The following ZFYVE1 variants were observed in gnomAD, a reference collection of about 807,000 sequenced individuals.
The protein encoded by ZFYVE1 is zinc finger FYVE domain-containing protein 1.
In ZFYVE1, 30 loss-of-function variants were observed where a neutral mutation model predicts 74.4. The ratio of observed to expected loss-of-function variants is 0.40; its 90% CI spans 0.30 to 0.55. ZFYVE1 has a LOEUF of 0.55. ZFYVE1 is among the 20% of genes least tolerant of loss of function. The pLI, the probability that ZFYVE1 is intolerant of heterozygous loss-of-function variation, is 0.42. For missense variants in ZFYVE1, 703 were observed against 1,011.6 expected (o/e 0.69, Z 4.14); for synonymous variants, 335 against 385.1 (o/e 0.87, Z 1.52).
At chr14:72,980,774 T>C (rs1038232190) in intron 5 of ZFYVE1, among the ~76,000 whole-genome samples, 2 of 152,072 alleles carry the variant, frequency 1.3e-5, no homozygotes, top group Non-Finnish European at 2.9e-5. Flanking sequence ...TTCACCATAG[T>C]CTCGATCTGC....
chr14:72,982,156 C>T (rs1290441177), intron 4 of ZFYVE1, among the ~76,000 whole-genome samples: 2 of 152,200 alleles, frequency 1.3e-5, no homozygotes, highest in East Asian at 3.8e-4. Context: ...AAACACCTCA[C>T]ACCACTCAGT....
chr14:72,996,137 G>T (rs1347075532), intron 3 of ZFYVE1, among the ~76,000 whole-genome samples: 1 of 152,042 alleles, frequency 6.6e-6, no homozygotes, highest in East Asian at 1.9e-4. Context: ...GCATTCAGTG[G>T]GCAGGGGGAG....
rs775708441 is a variant in ZFYVE1 at position 72,978,170 on chromosome 14, G to C, written c.1484C>G (p.Pro495Arg). The C allele has an allele frequency of 5.0e-6, 8 of 1,614,162 alleles. No individual in the cohort carries two copies. Among genetic ancestry groups the C allele is most frequent in the Non-Finnish European group, 6.8e-6 (8 of 1,180,020 alleles). The change falls in exon 7 of 12, where the codon CCC becomes CGC. Residue 495 changes from proline (P) to arginine (R), a missense_variant. Pro to Arg is a moderately radical substitution (Grantham distance 103). Coordinates refer to ENST00000556143, the MANE Select transcript of ZFYVE1 (RefSeq NM_021260.4). ...GGCATATTTTGCGAGACCCATCCAG[G>C]GGGAGTCAGTGGAAGCAGATGTTTT... ...VPKTSASTDSPWMGLAKYAWS... is the reference protein window; with the variant it reads ...VPKTSASTDSRWMGLAKYAWS...
chr14:72,977,718 A>G (rs980669645), intron 8 of ZFYVE1, among the ~76,000 whole-genome samples: 1 of 152,214 alleles, frequency 6.6e-6, no homozygotes, highest in Non-Finnish European at 1.5e-5. Context: ...TATTTCATTT[A>G]AAGTTGTACT....
At chr14:72,973,383 G>T (rs550633811) in intron 11 of ZFYVE1, among the ~76,000 whole-genome samples, 2 of 152,196 alleles carry the variant, frequency 1.3e-5, no homozygotes, top group South Asian at 4.1e-4. Context: ...TAGCTGCTTG[G>T]GAGGCTGAGG....
intron 2 of ZFYVE1, among the ~76,000 whole-genome samples, chr14:73,020,644 G>A (rs975771525): frequency 9.9e-5 from 15 of 152,158 alleles, no homozygotes; most frequent in African/African-American, 3.4e-4. Flanking sequence ...GAGCCATCGC[G>A]CCCGGTCGCA....
At chr14:72,971,655 A>T (rs1893038164) in intron 11 of ZFYVE1, among the ~76,000 whole-genome samples, 1 of 151,972 alleles carries the variant, frequency 6.6e-6, no homozygotes. Flanking sequence ...CTCTTTTGTG[A>T]CAGGGTCTCA....
At chr14:73,018,652 T>C (rs1354505012) in intron 2 of ZFYVE1, among the ~76,000 whole-genome samples, 1 of 151,608 alleles carries the variant, frequency 6.6e-6, no homozygotes, top group African/African-American at 2.4e-5. Context: ...ACACAGAAAG[T>C]GCCTGGCACG....
At chr14:73,012,325 C>T (rs1027176758) in intron 2 of ZFYVE1, among the ~76,000 whole-genome samples, 9 of 151,922 alleles carry the variant, frequency 5.9e-5, no homozygotes, top group African/African-American at 2.2e-4. Context: ...AATGGGGATG[C>T]AAAAAGAACC....
intron 2 of ZFYVE1, among the ~76,000 whole-genome samples, chr14:73,006,076 C>T (rs947054287): frequency 6.6e-6 from 1 of 152,036 alleles, no homozygotes; most frequent in Non-Finnish European, 1.5e-5. Context: ...CCCGCCACCA[C>T]GCCCGGAGAA....
rs750456642 is a variant in ZFYVE1, at chr14:72,998,186, G to C, written c.613C>G (p.Arg205Gly). The change falls in exon 3 of 12, where the codon CGT becomes GGT. Residue 205 changes from arginine (R) to glycine (G), a missense_variant. Physicochemically the swap from Arg to Gly is moderately radical, Grantham distance 125. Around this residue, in one of 2 missense-constraint regions of ZFYVE1, gnomAD observed 492 missense variants for 790.0 expected, o/e 0.62. Coordinates refer to ENST00000556143, the MANE Select transcript of ZFYVE1 (RefSeq NM_021260.4). ...GTCGGGGAGGTTTTAAAGACTTCAC[G>C]ACCATAAAAGAAAGTGTGGTTGAGA... ...HTLNHTFFYG[R>G]EVFKTSPTQE... is the part of the protein sequence containing the mutation. The C allele has an allele frequency of 1.2e-6, 2 of 1,613,836 alleles. No homozygotes were observed. Among genetic ancestry groups the C allele is most frequent in the African/African-American group, 2.7e-5 (2 of 74,864 alleles).
intron 2 of ZFYVE1, among the ~76,000 whole-genome samples, chr14:73,004,482 T>C (rs1893936985): frequency 1.3e-5 from 2 of 151,752 alleles, no homozygotes; most frequent in Admixed American, 1.3e-4. Flanking sequence ...ATATAACTCA[T>C]ATGGGATGGA....
At chr14:72,973,119 T>C (rs1253867639) in intron 11 of ZFYVE1, among the ~76,000 whole-genome samples, 2 of 152,198 alleles carry the variant, frequency 1.3e-5, no homozygotes, top group African/African-American at 4.8e-5. Context: ...CCCTTGAATC[T>C]AGACAAACCT....
chr14:73,023,898 A>G, intron 2 of ZFYVE1, 128 bp downstream of exon 2: 1 of 1,327,990 alleles, frequency 7.5e-7, no homozygotes, highest in Non-Finnish European at 1.0e-6. Flanking sequence ...ATGCAACTAA[A>G]GCCTCCAGAG....
At chr14:73,006,383 T>C (rs1442714772) in intron 2 of ZFYVE1, among the ~76,000 whole-genome samples, 1 of 151,904 alleles carries the variant, frequency 6.6e-6, no homozygotes, top group East Asian at 2.0e-4. Flanking sequence ...GAGACCAGCC[T>C]GGCCAACGTG....
chr14:73,003,275 C>G (rs906352571), intron 2 of ZFYVE1, among the ~76,000 whole-genome samples: 1 of 152,038 alleles, frequency 6.6e-6, no homozygotes, highest in Non-Finnish European at 1.5e-5. Flanking sequence ...CCAGGCTGGT[C>G]TCAAACTCCT....
chr14:73,008,157 T>C (rs1894018648), intron 2 of ZFYVE1, among the ~76,000 whole-genome samples: 1 of 152,024 alleles, frequency 6.6e-6, no homozygotes, highest in South Asian at 2.1e-4. Flanking sequence ...AAGTGTTTCT[T>C]TTTTTATTTT....
intron 4 of ZFYVE1, among the ~76,000 whole-genome samples, chr14:72,990,810 C>T (rs1434254036): frequency 1.4e-5 from 2 of 146,554 alleles, no homozygotes; most frequent in Non-Finnish European, 3.0e-5. Context: ...AAGTGATTCT[C>T]CTGCCTCAGC....
At position 72,993,344 on chromosome 14, in the gene ZFYVE1, C is replaced by T. The variant is rs1039332101; in HGVS notation, c.1002G>A (p.Glu334=). Residue 334 remains glutamate (E), a synonymous_variant, in exon 4 of 12, where the codon GAG becomes GAA. Coordinates refer to ENST00000556143, the MANE Select transcript of ZFYVE1 (RefSeq NM_021260.4). ...TQLLGSDHPS[E]VPEKLIQDRF... is the part of the protein sequence containing the mutation. The stretch of plus-strand genomic sequence containing the variant: ...GGTCCTGGATGAGCTTCTCTGGCAC[C>T]TCTGAGGGATGATCTATACAAGCAG... The T allele has an allele frequency of 2.5e-6, 4 of 1,612,480 alleles. No individual in the cohort carries two copies. The African/African-American group carries it at 4.0e-5, about 16-fold the overall frequency.
Sources: gnomAD v4.1 joint callset for allele counts (sites outside exome capture counted in the v4.1 genomes callset) on GRCh38, gnomAD v4.1.1 for gene constraint, gnomAD v4.1.1 regional missense constraint, MANE v1.5 for transcripts, NCBI Gene and HGNC (gene_info 2026-07-23, HGNC 2026-07-21) for gene names.